IMMT: variants seen among roughly 807,000 people sequenced by gnomAD.
IMMT encodes inner membrane mitochondrial protein, also known as MICOS complex subunit MIC60.
In IMMT, 40 loss-of-function variants were observed where a neutral mutation model predicts 92.7. The ratio of observed to expected loss-of-function variants is 0.43; its 90% CI spans 0.34 to 0.56. The LOEUF (loss-of-function observed/expected upper bound fraction) is 0.56. IMMT is among the 20% of genes least tolerant of loss of function. The pLI is 0.03. For missense variants in IMMT, 831 were observed against 912.1 expected (o/e 0.91, Z 1.14); for synonymous variants, 322 against 336.1 (o/e 0.96, Z 0.46).
At chr2:86,192,713 G>A (rs1255579678) in intron 1 of IMMT, among the ~76,000 whole-genome samples, 1 of 152,156 alleles carries the variant, frequency 6.6e-6, no homozygotes, top group Non-Finnish European at 1.5e-5. Context: ...TACAAGGAAG[G>A]CAAGAGTAGT....
intron 3 of IMMT, among the ~76,000 whole-genome samples, chr2:86,175,742 G>GA (rs1401773943): frequency 7.4e-6 from 1 of 134,472 alleles, no homozygotes; most frequent in African/African-American, 2.8e-5. Flanking sequence ...AAAAAAAATA[G>GA]AAACACTAAC....
chr2:86,168,495 T>A (rs1676872447), intron 6 of IMMT, among the ~76,000 whole-genome samples: 1 of 151,962 alleles, frequency 6.6e-6, no homozygotes, highest in Non-Finnish European at 1.5e-5. Flanking sequence ...TGGTGGTGGG[T>A]GCCTATAGTC....
intron 1 of IMMT, among the ~76,000 whole-genome samples, chr2:86,186,213 C>A (rs1367177838): frequency 6.6e-6 from 1 of 152,096 alleles, no homozygotes; most frequent in Non-Finnish European, 1.5e-5. Flanking sequence ...AGATCTTGTT[C>A]CTAATGCTGA....
chr2:86,157,285 G>T (rs1474737382), intron 10 of IMMT, among the ~76,000 whole-genome samples: 1 of 152,176 alleles, frequency 6.6e-6, no homozygotes, highest in African/African-American at 2.4e-5. Flanking sequence ...CTCAATGTCT[G>T]AGTTATCTTT....
chr2:86,152,494 C>T (rs1397643414), intron 11 of IMMT, among the ~76,000 whole-genome samples: 1 of 149,016 alleles, frequency 6.7e-6, no homozygotes, highest in East Asian at 2.0e-4. Context: ...GACACAGTAG[C>T]TGATGCCAAT....
At chr2:86,164,648 G>A (rs892316091) in intron 7 of IMMT, among the ~76,000 whole-genome samples, 12 of 132,340 alleles carry the variant, frequency 9.1e-5, no homozygotes, top group African/African-American at 3.1e-4. Flanking sequence ...CAGAGATCAC[G>A]CCACTGCACT....
chr2:86,182,473 T>C (rs916952030), intron 1 of IMMT, among the ~76,000 whole-genome samples: 5 of 152,164 alleles, frequency 3.3e-5, no homozygotes, highest in Admixed American at 2.0e-4. Context: ...GTCATACATT[T>C]TGAAAAACAA....
chr2:86,147,178 A>G (rs1043490833), intron 13 of IMMT, among the ~76,000 whole-genome samples: 5 of 152,236 alleles, frequency 3.3e-5, no homozygotes, highest in African/African-American at 1.2e-4. Context: ...TTTTCTCAGA[A>G]AAATATCCAA....
At chr2:86,171,615 G>A (rs573587486) in intron 4 of IMMT, 27 of 349,068 alleles carry the variant, frequency 7.7e-5, no homozygotes, top group African/African-American at 5.1e-4. Flanking sequence ...TTCCAGGCAA[G>A]GCTTATAATA....
rs1189432680 is a variant in IMMT, at chr2:86,195,370, A to G, written c.13T>C (p.Cys5Arg). The G allele has an allele frequency of 8.4e-6, 13 of 1,549,408 alleles. No homozygotes were observed. The East Asian group carries it at 3.2e-4, about 38-fold the overall frequency. MLRACQLSGVTAAAQ... is the reference protein window; with the variant it reads MLRARQLSGVTAAAQ... ...GCGGCGGTCACACCCGATAACTGAC[A>G]GGCCCGCAGCATCTCGGTCAAGCGG... The change falls in exon 1 of 15, where the codon TGT becomes CGT. Residue 5 changes from cysteine (C) to arginine (R), a missense_variant. Transcript: ENST00000410111.
chr2:86,173,379 G>C (rs1294202128), intron 4 of IMMT: 11 of 341,418 alleles, frequency 3.2e-5, no homozygotes, highest in Non-Finnish European at 4.9e-5. Flanking sequence ...GCGGGAGTTT[G>C]AGACCAGCCT....
intron 3 of IMMT, among the ~76,000 whole-genome samples, chr2:86,174,133 T>C (rs918048850): frequency 6.6e-6 from 1 of 152,226 alleles, no homozygotes; most frequent in South Asian, 2.1e-4. Context: ...TACATTCAGT[T>C]AGAAGCAAAT....
chr2:86,182,876 A>T (rs79167100), intron 1 of IMMT, among the ~76,000 whole-genome samples: 8,313 of 150,710 alleles, frequency 0.055, 793 homozygotes, highest in African/African-American at 0.19. Flanking sequence ...AAAAAAAAAC[A>T]AAAACAAAAA....
intron 2 of IMMT, among the ~76,000 whole-genome samples, chr2:86,180,525 C>G (rs1050879522): frequency 8.6e-5 from 13 of 151,828 alleles, no homozygotes; most frequent in African/African-American, 3.1e-4. Context: ...CTCGGCCTCC[C>G]AAAGTGCTCG....
At chr2:86,161,505 C>T (rs1029613942) in intron 8 of IMMT, among the ~76,000 whole-genome samples, 6 of 136,196 alleles carry the variant, frequency 4.4e-5, no homozygotes, top group African/African-American at 1.6e-4. Flanking sequence ...CACCTTTGTA[C>T]AAATTCCTTT....
At chr2:86,151,272 A>T in intron 12 of IMMT, 25 bp downstream of exon 12, 1 of 1,539,898 alleles carries the variant, frequency 6.5e-7, no homozygotes, top group East Asian at 2.2e-5. Context: ...TTTAAATGTT[A>T]GGCAACAATT....
chr2:86,195,311 C>T (rs1186699670), intron 1 of IMMT, 27 bp downstream of exon 1: 3 of 1,530,136 alleles, frequency 2.0e-6, no homozygotes, highest in African/African-American at 1.4e-5. Context: ...AGCCTCCTCA[C>T]GCGCCTCCGG....
rs372615678 is a variant in IMMT at position 86,155,074 on chromosome 2, G to A, written c.1163-1500C>T. ...GATGGGGTTTCACCATATCGGCCAG[G>A]CCGGTCTTGAACGCCTAACCTCAGG... On this transcript the variant is annotated intron_variant, in intron 10 of 14. Coordinates refer to ENST00000410111, the MANE Select transcript of IMMT (RefSeq NM_006839.3). 3.1e-4 allele frequency among the ~76,000 whole-genome samples: 47 copies of A among 152,174 alleles called. 2 individuals carry two copies. In the East Asian group the frequency reaches 8.3e-3, roughly 27 times the overall value.
rs181835388 is a variant in IMMT, at chr2:86,151,912, G to T, written c.1178-392C>A. Among the ~76,000 whole-genome samples the T allele has an allele frequency of 1.3e-3, 201 of 152,246 alleles. 2 individuals are homozygous for T. Among genetic ancestry groups the T allele is most frequent in the African/African-American group, 4.7e-3 (194 of 41,548 alleles). ...GGCATCCAATTGAAGATTCTTTTCT[G>T]CTAAAACTAAAAATCAAATTCAAAT... On this transcript the variant is annotated intron_variant, in intron 11 of 14. Coordinates refer to ENST00000410111, the MANE Select transcript of IMMT (RefSeq NM_006839.3).
Sources: gnomAD v4.1 joint callset for allele counts (sites outside exome capture counted in the v4.1 genomes callset) on GRCh38, gnomAD v4.1.1 for gene constraint, MANE v1.5 for transcripts, NCBI Gene and HGNC (gene_info 2026-07-23, HGNC 2026-07-21) for gene names.